The following PRUNE2 variants were observed in gnomAD, a reference collection of about 807,000 sequenced individuals.
PRUNE2 encodes the protein prune homolog 2 with BCH domain.
PRUNE2 carries 164 observed loss-of-function variants against 252.0 expected under a neutral mutation model. The observed-to-expected ratio is 0.65, with a 90% confidence interval of 0.57 to 0.74. The LOEUF (loss-of-function observed/expected upper bound fraction) is 0.74, where lower values mean the gene tolerates loss of function less well. PRUNE2 is among the 30% of genes least tolerant of loss of function. The probability of loss-of-function intolerance (pLI) is 0.00; values close to 1 mark genes in which losing one functional copy is unlikely to be tolerated. For synonymous variants in PRUNE2, 1,292 were observed against 1,350.2 expected (o/e 0.96, Z 0.94); for missense variants, 3,495 against 3,711.0 (o/e 0.94, Z 1.51).
chr9:76,746,658 T>A (rs1266394930), intron 6 of PRUNE2, among the ~76,000 whole-genome samples: 2 of 137,152 alleles, frequency 1.5e-5, no homozygotes, highest in Non-Finnish European at 3.0e-5. Flanking sequence ...TGAGCCGAGA[T>A]TGCGCCACTG....
Position 76,804,169 on chromosome 9 carries a change from C to T in PRUNE2, c.756+19463G>A, listed in dbSNP as rs144070454. Among the ~76,000 whole-genome samples, 160 of 152,302 alleles carry T rather than the reference C, an allele frequency of 1.1e-3. 2 individuals carry two copies. Among genetic ancestry groups the T allele is most frequent in the African/African-American group, 3.5e-3 (146 of 41,556 alleles). On this transcript the variant is annotated intron_variant, in intron 6 of 18. Transcript: ENST00000376718. The stretch of plus-strand genomic sequence containing the variant: ...CCACCTATTCTACACCCCACTGTGA[C>T]GCCAGCTAGTCAGCACATTTTTTTC...
intron 6 of PRUNE2, among the ~76,000 whole-genome samples, chr9:76,756,455 C>CA (rs1382069701): frequency 6.6e-6 from 1 of 152,214 alleles, no homozygotes; most frequent in Non-Finnish European, 1.5e-5. Context: ...GCTGCTTCCC[C>CA]ATTCTTTCCA....
intron 6 of PRUNE2, among the ~76,000 whole-genome samples, chr9:76,768,873 T>C (rs977355428): frequency 1.1e-4 from 17 of 152,208 alleles, no homozygotes; most frequent in Admixed American, 1.1e-3. Flanking sequence ...GTCTTTACTT[T>C]GCATAATTCC....
At chr9:76,624,926 G>C in intron 16 of PRUNE2, 1 of 677,758 alleles carries the variant, frequency 1.5e-6, no homozygotes, top group Non-Finnish European at 2.4e-6. Flanking sequence ...CTGATACAGT[G>C]ACCTCTTGCT....
At chr9:76,861,764 G>C (rs2060560805) in intron 1 of PRUNE2, among the ~76,000 whole-genome samples, 1 of 151,502 alleles carries the variant, frequency 6.6e-6, no homozygotes, top group Non-Finnish European at 1.5e-5. Context: ...ATGTGGCCAA[G>C]AAGTATTATT....
At chr9:76,718,033 C>G (rs1237774898) in intron 6 of PRUNE2, among the ~76,000 whole-genome samples, 1 of 151,934 alleles carries the variant, frequency 6.6e-6, no homozygotes, top group Non-Finnish European at 1.5e-5. Context: ...GAAGTTGATG[C>G]TCATTATAAC....
intron 9 of PRUNE2, chr9:76,691,972 AAC>A: frequency 1.5e-6 from 1 of 676,790 alleles, no homozygotes; most frequent in Non-Finnish European, 2.8e-6. Flanking sequence ...CTCCCCCGCC[AAC>A]TTCCCAGCAG....
At chr9:76,795,878 G>A (rs2056049442) in intron 6 of PRUNE2, among the ~76,000 whole-genome samples, 1 of 152,066 alleles carries the variant, frequency 6.6e-6, no homozygotes, top group South Asian at 2.1e-4. Flanking sequence ...ACTTCTGCCT[G>A]GACATTGACT....
In PRUNE2 at chr9:76,820,443, T is replaced by A. The variant is rs148009589; in HGVS notation, c.756+3189A>T. Among the ~76,000 whole-genome samples, 321 of 152,316 alleles carry A rather than the reference T, an allele frequency of 2.1e-3. 2 individuals carry two copies. The highest frequency in any genetic ancestry group is 0.013 in the Admixed American group (204 of 15,304). On this transcript the variant is annotated intron_variant, in intron 6 of 18. Transcript: ENST00000376718. ...CTACCTCCCAAACTCAATGGTTCCC[T>A]CTGAAGAGCATGCTGTGTAAGTTAC...
intron 6 of PRUNE2, among the ~76,000 whole-genome samples, chr9:76,743,634 A>G (rs2049848315): frequency 6.6e-6 from 1 of 152,264 alleles, no homozygotes; most frequent in South Asian, 2.1e-4. Context: ...TAAAAGATTG[A>G]TATAAATATT....
intron 9 of PRUNE2, among the ~76,000 whole-genome samples, chr9:76,694,195 C>T (rs1032066459): frequency 6.6e-6 from 1 of 151,544 alleles, no homozygotes; most frequent in Non-Finnish European, 1.5e-5. Flanking sequence ...TTTTTTGAGA[C>T]GGAGCCTAGC....
Position 76,703,874 on chromosome 9 carries a change from C to A in PRUNE2, c.7739G>T (p.Gly2580Val). ...ESIAELELYV[G>V]SKETGLQGTQ... ...TCCCTGCAGCCCTGTTTCTTTGGAACCTACATACAATTCTAATTCAGCTAT... is the reference window on the plus strand; with the variant it reads ...TCCCTGCAGCCCTGTTTCTTTGGAAACTACATACAATTCTAATTCAGCTAT... Residue 2580 changes from glycine (G) to valine (V), a missense_variant, in exon 9 of 19, where the codon GGT (glycine) becomes GTT (valine). Coordinates refer to ENST00000376718, the MANE Select transcript of PRUNE2 (RefSeq NM_015225.3). 2 of 1,613,894 alleles carry A rather than the reference C, an allele frequency of 1.2e-6. No homozygotes were observed. The highest frequency in any genetic ancestry group is 1.7e-6 in the Non-Finnish European group (2 of 1,179,854).
At chr9:76,869,730 A>G (rs1212433201) in intron 1 of PRUNE2, among the ~76,000 whole-genome samples, 1 of 152,212 alleles carries the variant, frequency 6.6e-6, no homozygotes, top group Non-Finnish European at 1.5e-5. Flanking sequence ...AAGCTCTCCC[A>G]AAGGAAAGTT....
intron 16 of PRUNE2, among the ~76,000 whole-genome samples, chr9:76,624,850 T>C (rs1248048833): frequency 6.6e-6 from 1 of 152,116 alleles, no homozygotes; most frequent in Non-Finnish European, 1.5e-5. Flanking sequence ...TAGGTTTCAG[T>C]TGCAAATTAG....
intron 6 of PRUNE2, chr9:76,808,547 C>A (rs930947893): frequency 6.6e-6 from 1 of 152,318 alleles, no homozygotes; most frequent in Non-Finnish European, 1.5e-5. Flanking sequence ...TCCTCTGATA[C>A]TCAAACATTA....
intron 1 of PRUNE2, among the ~76,000 whole-genome samples, chr9:76,890,345 T>C (rs1589794892): frequency 6.6e-6 from 1 of 152,318 alleles, no homozygotes; most frequent in South Asian, 2.1e-4. Context: ...GGTGTAAAGA[T>C]ATTTTGAGGA....
chr9:76,676,318 G>T (rs1324363392), intron 9 of PRUNE2, among the ~76,000 whole-genome samples: 5 of 147,716 alleles, frequency 3.4e-5, no homozygotes, highest in Admixed American at 6.8e-5. Context: ...ATGCCTATCA[G>T]TAAGGGAATG....
chr9:76,880,236 C>T (rs2061700952), intron 1 of PRUNE2, among the ~76,000 whole-genome samples: 1 of 152,018 alleles, frequency 6.6e-6, no homozygotes, highest in Admixed American at 6.6e-5. Context: ...TTTTTAAAGC[C>T]ATCCATGTTT....
At chr9:76,692,651 C>T (rs1195774999) in intron 9 of PRUNE2, 2 of 154,078 alleles carry the variant, frequency 1.3e-5, no homozygotes, top group Non-Finnish European at 1.4e-5. Context: ...ACGACTTCAG[C>T]GACTGGGAGA....
Sources: allele counts gnomAD v4.1 joint callset (sites outside exome capture counted in the v4.1 genomes callset), GRCh38; gene constraint gnomAD v4.1.1; transcripts MANE v1.5; gene names NCBI Gene and HGNC (gene_info 2026-07-23, HGNC 2026-07-21).